Variants in PITPNM3 observed in about 807,000 individuals in gnomAD.
PITPNM3 encodes the protein membrane-associated phosphatidylinositol transfer protein 3.
In PITPNM3, 26 loss-of-function variants were observed where a neutral mutation model predicts 102.0. The ratio of observed to expected loss-of-function variants is 0.25; its 90% CI spans 0.19 to 0.35. The LOEUF (loss-of-function observed/expected upper bound fraction) is 0.35, where lower values mean the gene tolerates loss of function less well. Ranked by LOEUF, PITPNM3 falls within the 10% of genes least tolerant of loss-of-function variation. The probability of loss-of-function intolerance (pLI) is 1.00; values close to 1 mark genes in which losing one functional copy is unlikely to be tolerated. For missense variants in PITPNM3, 1,083 were observed against 1,346.1 expected (o/e 0.80, Z 3.06); for synonymous variants, 578 against 558.6 (o/e 1.03, Z -0.49).
Position 6,472,835 on chromosome 17 carries a change from G to A in PITPNM3, c.1259-8C>T. On this transcript the variant is annotated splice_polypyrimidine_tract_variant and splice_region_variant and intron_variant, in intron 10 of 19. Transcript: ENST00000262483. The surrounding 1 kb of genome is among the most constrained non-coding windows in gnomAD (Gnocchi z 4.1). The stretch of plus-strand genomic sequence containing the variant: ...CAGGACGCACCTGGAAGCCTGGGGT[G>A]AGTGGGAAGACAGAGGGAAGCCACT... The A allele has an allele frequency of 6.2e-7, 1 of 1,613,916 alleles. No individual in the cohort carries two copies. Among genetic ancestry groups the A allele is most frequent in the Non-Finnish European group, 8.5e-7 (1 of 1,179,938 alleles).
rs781364222 is a variant in PITPNM3, at chr17:6,477,080, G to T, written c.1034C>A (p.Ser345Tyr). 8 of 1,614,180 alleles carry T rather than the reference G, an allele frequency of 5.0e-6. No homozygotes were observed. The South Asian group carries it at 7.7e-5, about 16-fold the overall frequency. Residue 345 changes from serine (S) to tyrosine (Y), a missense_variant, in exon 9 of 20, where the codon TCC (serine) becomes TAC (tyrosine). Transcript: ENST00000262483. ...KRPLPRKQSDSSTYDCEAITQ... is the reference protein window; with the variant it reads ...KRPLPRKQSDYSTYDCEAITQ... ...GATGGCCTCGCAGTCATAGGTGGAGGAGTCGCTCTGTTTCCGCGGCAACGG... is the reference window on the plus strand; with the variant it reads ...GATGGCCTCGCAGTCATAGGTGGAGTAGTCGCTCTGTTTCCGCGGCAACGG...
intron 15 of PITPNM3, 39 bp downstream of exon 15, chr17:6,464,616 G>C (rs1220488056): frequency 6.4e-7 from 1 of 1,570,474 alleles, no homozygotes; most frequent in South Asian, 1.1e-5. Context: ...ACCTGGTGCA[G>C]GTGGAGTGGC....
chr17:6,491,900 G>T (rs926762083), intron 4 of PITPNM3, among the ~76,000 whole-genome samples: 1 of 131,468 alleles, frequency 7.6e-6, no homozygotes, highest in Non-Finnish European at 1.6e-5. Context: ...GAGGGGCTAG[G>T]CGCCATGGCT....
At position 6,463,865 on chromosome 17, in the gene PITPNM3, C is replaced by T. The variant is rs1413634785; in HGVS notation, c.2173G>A (p.Ala725Thr). The T allele has an allele frequency of 1.9e-6, 3 of 1,613,952 alleles. No homozygotes were observed. In the Admixed American group the frequency reaches 5.0e-5, roughly 27 times the overall value. Residue 725 changes from alanine to threonine, a missense_variant, in exon 17 of 20, where the codon GCC (alanine) becomes ACC (threonine). Physicochemically the swap from Ala to Thr is moderately conservative, Grantham distance 58. This residue lies in a region of PITPNM3 where 410 missense variants were observed against 638.4 expected (regional missense o/e 0.64). Transcript: ENST00000262483. ...KMVVRGDQTCAMSYLTVLPRG... is the reference protein window; with the variant it reads ...KMVVRGDQTCTMSYLTVLPRG... Reference sequence around the variant, plus strand: ...GGCAACACCGTGAGGTAGCTCATGGCACAGGTCTGGTCGCCCCTGAAAGAA... The same window carrying T: ...GGCAACACCGTGAGGTAGCTCATGGTACAGGTCTGGTCGCCCCTGAAAGAA...
Position 6,455,635 on chromosome 17 carries a change from G to A in PITPNM3, c.2628C>T (p.Ser876=), listed in dbSNP as rs1442970783. The A allele has an allele frequency of 6.4e-7, 1 of 1,571,278 alleles. No individual in the cohort carries two copies. The highest frequency in any genetic ancestry group is 8.5e-7 in the Non-Finnish European group (1 of 1,170,880). ...KKYQTQCQFL[S]EGYAAHLAAL... ...CGGCCAGGTGTGCGGCGTAGCCCTCGCTCAGGAACTGCGGAGGGCAGGGGA... is the reference window on the plus strand; with the variant it reads ...CGGCCAGGTGTGCGGCGTAGCCCTCACTCAGGAACTGCGGAGGGCAGGGGA... Residue 876 remains serine (S), a synonymous_variant, in exon 20 of 20, where the codon AGC becomes AGT. Transcript: ENST00000262483.
intron 8 of PITPNM3, 91 bp from the exon 9 acceptor site, chr17:6,477,304 C>A: frequency 7.5e-7 from 1 of 1,336,738 alleles, no homozygotes; most frequent in Non-Finnish European, 1.1e-6. Flanking sequence ...ACAAACCAAC[C>A]CCTTCATCCT....
intron 1 of PITPNM3, among the ~76,000 whole-genome samples, chr17:6,549,182 G>A (rs1910180663): frequency 6.6e-6 from 1 of 152,140 alleles, no homozygotes. Context: ...GCTTTCCAGA[G>A]GCAGATGCAA....
At chr17:6,460,274 C>T (rs1904379290) in intron 18 of PITPNM3, among the ~76,000 whole-genome samples, 1 of 152,232 alleles carries the variant, frequency 6.6e-6, no homozygotes. Flanking sequence ...GTCTACCTGA[C>T]AAATTCATGC....
In PITPNM3 at chr17:6,456,905, C is replaced by T. The variant is rs1037737591; in HGVS notation, c.2619+689G>A. Among the ~76,000 whole-genome samples the T allele has an allele frequency of 4.6e-5, 7 of 152,174 alleles. No homozygotes were observed. In the East Asian group the frequency reaches 1.3e-3, roughly 29 times the overall value. On this transcript the variant is annotated intron_variant, in intron 19 of 19. Transcript: ENST00000262483. The stretch of plus-strand genomic sequence containing the variant: ...CCATCCCCTACCAAAAAATGCCTCT[C>T]AGACCCTCCACTTTCTCTTCAATGT...
intron 2 of PITPNM3, among the ~76,000 whole-genome samples, chr17:6,528,031 C>T (rs1027772763): frequency 2.0e-5 from 3 of 152,138 alleles, no homozygotes; most frequent in Non-Finnish European, 4.4e-5. Flanking sequence ...TGTCTGTTTC[C>T]GATCAAATAT....
intron 12 of PITPNM3, 144 bp downstream of exon 12, chr17:6,471,017 G>T: frequency 1.1e-6 from 1 of 942,654 alleles, no homozygotes; most frequent in Non-Finnish European, 1.6e-6. Context: ...CTCTCTAAAG[G>T]CAGAAGCAAG....
intron 6 of PITPNM3, among the ~76,000 whole-genome samples, chr17:6,483,284 G>A (rs1905855123): frequency 6.6e-6 from 1 of 152,066 alleles, no homozygotes; most frequent in Admixed American, 6.5e-5. Context: ...GATCAGGCTT[G>A]TTGAACACTG....
intron 4 of PITPNM3, among the ~76,000 whole-genome samples, chr17:6,491,900 G>A (rs926762083): frequency 1.5e-5 from 2 of 131,468 alleles, no homozygotes; most frequent in African/African-American, 6.2e-5. Flanking sequence ...GAGGGGCTAG[G>A]CGCCATGGCT....
chr17:6,556,445 C>T lies in PITPNM3; in HGVS notation c.-39G>A, dbSNP rs1442737711. On this transcript the variant is annotated 5_prime_UTR_variant, in exon 1 of 20. Transcript: ENST00000262483. The surrounding 1 kb of genome is among the most constrained non-coding windows in gnomAD (Gnocchi z 5.2). Reference sequence around the variant, plus strand: ...GGCTCCGGCGGCGCTACGCGCGCTCCTCGCGCTTCCCGGGCCCGGCCCCGA... The same window carrying T: ...GGCTCCGGCGGCGCTACGCGCGCTCTTCGCGCTTCCCGGGCCCGGCCCCGA... 4 of 1,219,276 alleles carry T rather than the reference C, an allele frequency of 3.3e-6. No individual in the cohort carries two copies. Among genetic ancestry groups the T allele is most frequent in the Non-Finnish European group, 4.1e-6 (4 of 980,670 alleles). 75.5% of individuals were successfully genotyped at this position (1,219,276 alleles called of 1,614,324 possible). A position where few individuals can be genotyped will look rare whatever the true frequency, so the allele number is the denominator to read the frequency against.
Position 6,525,381 on chromosome 17 carries a change from G to A in PITPNM3, c.201C>T (p.Thr67=), listed in dbSNP as rs140441176. 3.3e-5 allele frequency: 53 copies of A among 1,613,998 alleles called. No homozygotes were observed. Among genetic ancestry groups the A allele is most frequent in the Non-Finnish European group, 4.2e-5 (50 of 1,180,010 alleles). The change falls in exon 3 of 20, where the codon ACC becomes ACT. Residue 67 remains threonine, a synonymous_variant. Transcript: ENST00000262483. ...CTTGATGCTCGTCCAGTTTCCCCATGGTCTCGATCTGCTCCACGAGGTCAT... is the reference window on the plus strand; with the variant it reads ...CTTGATGCTCGTCCAGTTTCCCCATAGTCTCGATCTGCTCCACGAGGTCAT... The part of the protein sequence containing the change: ...NSNDLVEQIE[T]MGKLDEHQGE...
rs143212828 is a variant in PITPNM3, at chr17:6,456,263, A to G, written c.2620-620T>C. 4.6e-3 allele frequency among the ~76,000 whole-genome samples: 704 copies of G among 152,104 alleles called. 9 individuals carry two copies. The highest frequency in any genetic ancestry group is 0.016 in the African/African-American group (659 of 41,500). ...TGGCCTTGAACCCTGGGCTCAAGCA[A>G]TCCTGCGTATCAAAGCACCAGGATT... is the stretch of plus-strand genomic sequence containing the variant. On this transcript the variant is annotated intron_variant, in intron 19 of 19. Transcript: ENST00000262483.
chr17:6,481,746 A>AGATG (rs1388287323), intron 6 of PITPNM3: 41 of 142,130 alleles, frequency 2.9e-4, no homozygotes, highest in Admixed American at 3.6e-4. Context: ...GATGATAGAT[A>AGATG]GATAGATAGA....
In PITPNM3 at chr17:6,469,123, C is replaced by T. The variant is rs568889309; in HGVS notation, c.1774-782G>A. ...CTCTCCCTGGGGGAGCTCCAGGACT[C>T]ATCCCTGAACTTCCCTCTCTGTAGG... On this transcript the variant is annotated intron_variant, in intron 13 of 19. Transcript: ENST00000262483. The surrounding 1 kb of genome is among the most constrained non-coding windows in gnomAD (Gnocchi z 4.0). Among the ~76,000 whole-genome samples, 4 of 152,308 alleles carry T rather than the reference C, an allele frequency of 2.6e-5. No individual in the cohort carries two copies. The highest frequency in any genetic ancestry group is 9.6e-5 in the African/African-American group (4 of 41,566).
intron 4 of PITPNM3, among the ~76,000 whole-genome samples, chr17:6,501,505 G>A (rs1196629175): frequency 6.6e-6 from 1 of 152,070 alleles, no homozygotes; most frequent in South Asian, 2.1e-4. Flanking sequence ...CCAGCTACCA[G>A]GCAACGGGAC....
Sources: allele counts gnomAD v4.1 joint callset (sites outside exome capture counted in the v4.1 genomes callset), GRCh38; gene constraint gnomAD v4.1.1; regional missense constraint gnomAD v4.1.1; non-coding constraint Gnocchi (gnomAD v3.1); transcripts MANE v1.5; gene names NCBI Gene and HGNC (gene_info 2026-07-23, HGNC 2026-07-21).